Variants in SEMA6D observed in about 807,000 individuals in gnomAD.
SEMA6D encodes the protein semaphorin-6D.
SEMA6D carries 35 observed loss-of-function variants against 106.6 expected under a neutral mutation model. The ratio of observed to expected loss-of-function variants is 0.33; its 90% confidence interval spans 0.25 to 0.44. SEMA6D has a LOEUF of 0.44. SEMA6D is among the 20% of genes least tolerant of loss of function. SEMA6D has a pLI of 1.00. For synonymous variants in SEMA6D, 499 were observed against 487.7 expected, an observed-to-expected ratio of 1.02 and a Z score of -0.31; for missense variants, 1,185 against 1,345.9, an observed-to-expected ratio of 0.88 and a Z score of 1.87.
At chr15:47,196,821 T>C (rs1052014318) in intron 1 of SEMA6D, among the ~76,000 whole-genome samples, 4 of 152,194 alleles carry the variant, frequency 2.6e-5, no homozygotes, top group Non-Finnish European at 5.9e-5. Context: ...GGCTACAGCA[T>C]CCATTTATTC....
chr15:47,509,699 A>G (rs540772272), intron 3 of SEMA6D, among the ~76,000 whole-genome samples: 2 of 152,354 alleles, frequency 1.3e-5, no homozygotes, highest in East Asian at 3.9e-4. Context: ...AGATGAAAAT[A>G]GCTGCTGAAA....
chr15:47,753,185 G>A (rs961193967), intron 1 of SEMA6D, among the ~76,000 whole-genome samples: 1 of 152,050 alleles, frequency 6.6e-6, no homozygotes, highest in African/African-American at 2.4e-5. Flanking sequence ...TGAGGAAAGT[G>A]GGAAATTTAC....
intron 4 of SEMA6D, among the ~76,000 whole-genome samples, chr15:47,637,516 A>G (rs2077410768): frequency 6.6e-6 from 1 of 152,138 alleles, no homozygotes; most frequent in African/African-American, 2.4e-5. Flanking sequence ...GCTTTCCTCA[A>G]TGCTCAGGAG....
intron 4 of SEMA6D, among the ~76,000 whole-genome samples, chr15:47,646,552 T>C (rs1211107952): frequency 6.6e-6 from 1 of 152,200 alleles, no homozygotes; most frequent in Non-Finnish European, 1.5e-5. Context: ...ATCAAATTGC[T>C]GCAGCTAAGC....
intron 1 of SEMA6D, among the ~76,000 whole-genome samples, chr15:47,190,427 T>C (rs1002761313): frequency 1.3e-5 from 2 of 152,206 alleles, no homozygotes; most frequent in African/African-American, 4.8e-5. Context: ...TATTCTCTAA[T>C]GGCAATTGAG....
intron 4 of SEMA6D, among the ~76,000 whole-genome samples, chr15:47,617,761 A>G (rs778406600): frequency 6.6e-6 from 1 of 152,160 alleles, no homozygotes; most frequent in Non-Finnish European, 1.5e-5. Flanking sequence ...GATGGTACCT[A>G]CCTCTTAGGG....
chr15:47,684,225 G>A (rs1024970250), intron 4 of SEMA6D, among the ~76,000 whole-genome samples: 1 of 151,928 alleles, frequency 6.6e-6, no homozygotes, highest in Non-Finnish European at 1.5e-5. Flanking sequence ...ATATGCCCCA[G>A]TCTGCTTAAT....
In SEMA6D at chr15:47,416,547, G is replaced by T. The variant is rs113808160; in HGVS notation, c.-159+4075G>T. On this transcript the variant is annotated intron_variant, in intron 2 of 19. Transcript: ENST00000558014. ...ATCATAGCAGATCATACTACTAATAGTCAAACAGTGTACTCACAATCTGGC... is the reference window on the plus strand; with the variant it reads ...ATCATAGCAGATCATACTACTAATATTCAAACAGTGTACTCACAATCTGGC... Among the ~76,000 whole-genome samples, 1,251 of 152,176 alleles carry T rather than the reference G, an allele frequency of 8.2e-3. 22 individuals are homozygous for T. Among genetic ancestry groups the T allele is most frequent in the African/African-American group, 0.029 (1,203 of 41,534 alleles).
chr15:47,279,663 T>G (rs1379863964), intron 1 of SEMA6D, among the ~76,000 whole-genome samples: 2 of 152,054 alleles, frequency 1.3e-5, no homozygotes, highest in Non-Finnish European at 2.9e-5. Context: ...GGCTGTGGGT[T>G]TGTCATAGGT....
At chr15:47,428,446 ATTTAGGCGCAGATC>A (rs2041419951) in intron 2 of SEMA6D, among the ~76,000 whole-genome samples, 1 of 105,722 alleles carries the variant, frequency 9.5e-6, no homozygotes, top group African/African-American at 3.3e-5. Flanking sequence ...GTAAAAAAGT[ATTTAGGCGCAGATC>A]TACCCTTAAA....
intron 1 of SEMA6D, among the ~76,000 whole-genome samples, chr15:47,266,704 G>A (rs949553571): frequency 6.6e-6 from 1 of 152,018 alleles, no homozygotes; most frequent in African/African-American, 2.4e-5. Flanking sequence ...AAGAAATACT[G>A]ATATTCTGCC....
chr15:47,684,923 C>T, intron 4 of SEMA6D, among the ~76,000 whole-genome samples: 1 of 152,210 alleles, frequency 6.6e-6, no homozygotes, highest in East Asian at 1.9e-4. Flanking sequence ...TACCAGAGAC[C>T]TGGGGAAACT....
chr15:47,348,719 C>CGAGAGAGAGAGAGAGAGAGAG (rs1567016651), intron 1 of SEMA6D, among the ~76,000 whole-genome samples: 1 of 19,102 alleles, frequency 5.2e-5, no homozygotes, highest in Non-Finnish European at 2.2e-4. Context: ...ACACACACAC[C>CGAGAGAGAGAGAGAGAGAGAG]ACACACACAG....
intron 1 of SEMA6D, among the ~76,000 whole-genome samples, chr15:47,310,397 G>T (rs2036403756): frequency 6.6e-6 from 1 of 152,136 alleles, no homozygotes; most frequent in Admixed American, 6.5e-5. Context: ...TATTGTTTGT[G>T]TTTGTAGAGT....
chr15:47,694,458 C>A (rs572782296), intron 4 of SEMA6D, among the ~76,000 whole-genome samples: 1 of 152,184 alleles, frequency 6.6e-6, no homozygotes, highest in South Asian at 2.1e-4. Context: ...ACCCACCAAA[C>A]CATACATTTA....
intron 4 of SEMA6D, among the ~76,000 whole-genome samples, chr15:47,650,937 A>C (rs1013828679): frequency 1.3e-5 from 2 of 152,206 alleles, no homozygotes; most frequent in Non-Finnish European, 2.9e-5. Context: ...TAGACCAGTC[A>C]GTGTTTGCAC....
chr15:47,450,058 C>T lies in SEMA6D; in HGVS notation c.-158-20416C>T, dbSNP rs191341567. Among the ~76,000 whole-genome samples, 442 of 152,198 alleles carry T rather than the reference C, an allele frequency of 2.9e-3. 2 individuals are homozygous for T. Among genetic ancestry groups the T allele is most frequent in the Middle Eastern group, 0.024 (7 of 294 alleles). On this transcript the variant is annotated intron_variant, in intron 2 of 19. Coordinates refer to the SEMA6D transcript ENST00000558014. ...ACATAGGGGATAGTTGGGCACCATT[C>T]TAATTGCCTTTTAAAAAATAGGATT...
chr15:47,562,114 A>G (rs2046098190), intron 3 of SEMA6D, among the ~76,000 whole-genome samples: 1 of 152,022 alleles, frequency 6.6e-6, no homozygotes, highest in Non-Finnish European at 1.5e-5. Context: ...TCAATGAACC[A>G]AAGTAGATAG....
upstream of SEMA6D, among the ~76,000 whole-genome samples, chr15:47,712,647 T>G (rs1315869577): frequency 6.6e-6 from 1 of 152,200 alleles, no homozygotes; most frequent in Non-Finnish European, 1.5e-5. Flanking sequence ...TAAGTATATA[T>G]TTTTAGAAGT....
Sources: gnomAD v4.1 joint callset for allele counts (sites outside exome capture counted in the v4.1 genomes callset) on GRCh38, gnomAD v4.1.1 for gene constraint, MANE v1.5 for transcripts, NCBI Gene and HGNC (gene_info 2026-07-23, HGNC 2026-07-21) for gene names.